The following SYNM variants were observed in gnomAD, a reference collection of about 807,000 sequenced individuals.
SYNM encodes the protein synemin.
SYNM carries 95 observed loss-of-function variants against 104.0 expected under a neutral mutation model. That is an observed-to-expected ratio of 0.91 (90% confidence interval 0.77 to 1.08). The LOEUF is 1.08. SYNM is among the 50% of genes least tolerant of loss of function. SYNM has a pLI of 0.00. For synonymous variants in SYNM, 918 were observed against 869.0 expected, an observed-to-expected ratio of 1.06 and a Z score of -0.99; for missense variants, 2,150 against 2,052.2, an observed-to-expected ratio of 1.05 and a Z score of -0.92.
At chr15:99,135,817 C>T (rs144864498), downstream of SYNM, among the ~76,000 whole-genome samples, 167 of 152,316 alleles carry the variant, frequency 1.1e-3, no homozygotes, top group African/African-American at 3.2e-3. Flanking sequence ...AGCCAATTGG[C>T]TTGTAATCAA....
Position 99,132,998 on chromosome 15 carries a change from G to C in SYNM, c.4638G>C (p.Lys1546Asn). 6.2e-7 allele frequency: 1 copy of C among 1,613,964 alleles called. No individual in the cohort carries two copies. Among genetic ancestry groups the C allele is most frequent in the Non-Finnish European group, 8.5e-7 (1 of 1,179,900 alleles). ...VDQRSVISDEKKVALLYLDNE... is the reference protein window; with the variant it reads ...VDQRSVISDENKVALLYLDNE... ...AAAGGTCGGTGATTTCAGATGAAAA[G>C]AAAGTTGCCCTCCTCTATCTAGACA... Residue 1546 changes from lysine (K) to asparagine (N), a missense_variant, in exon 4 of 4, where the codon AAG becomes AAC. By Grantham distance (94) the Lys-to-Asn change is moderately conservative. Coordinates refer to ENST00000336292, the MANE Select transcript of SYNM (RefSeq NM_145728.3).
intron 1 of SYNM, among the ~76,000 whole-genome samples, chr15:99,107,040 C>G (rs192100325): frequency 1.3e-5 from 2 of 152,294 alleles, no homozygotes; most frequent in East Asian, 1.9e-4. Context: ...GAGTAAATAC[C>G]TGTTGATTCT....
rs1555486275 is a variant in SYNM at position 99,133,039 on chromosome 15, A to G, written c.4679A>G (p.Asn1560Ser). ...LLYLDNEEEE[N>S]DGHWF ...TATCTAGACAATGAGGAGGAGGAGA[A>G]TGATGGGCATTGGTTTTAATAAGCA... Residue 1560 changes from asparagine (N) to serine (S), a missense_variant, in exon 4 of 4, where the codon AAT becomes AGT. Physicochemically the swap from Asn to Ser is conservative, Grantham distance 46. Coordinates refer to ENST00000336292, the MANE Select transcript of SYNM (RefSeq NM_145728.3). The G allele has an allele frequency of 2.5e-6, 4 of 1,613,786 alleles. No individual in the cohort carries two copies. The highest frequency in any genetic ancestry group is 2.2e-5 in the East Asian group (1 of 44,886).
In SYNM at chr15:99,131,500, C is replaced by T; in HGVS notation, c.3140C>T (p.Pro1047Leu). ...CTGAGCAGGCAACGCAGCCCAGCGC[C>T]TGGCAGCCCAGATGAGGAAGGTGGA... ...ESLSRQRSPA[P>L]GSPDEEGGAE... Residue 1047 changes from proline to leucine, a missense_variant, in exon 4 of 4, where the codon CCT becomes CTT. Coordinates refer to ENST00000336292, the MANE Select transcript of SYNM (RefSeq NM_145728.3). The surrounding 1 kb of genome is among the most constrained non-coding windows in gnomAD (Gnocchi z 4.3). 6.2e-7 allele frequency: 1 copy of T among 1,606,782 alleles called. No homozygotes were observed. Among genetic ancestry groups the T allele is most frequent in the South Asian group, 1.1e-5 (1 of 90,852 alleles).
At chr15:99,108,449 A>C (rs2067269904) in intron 1 of SYNM, among the ~76,000 whole-genome samples, 1 of 152,178 alleles carries the variant, frequency 6.6e-6, no homozygotes, top group South Asian at 2.1e-4. Flanking sequence ...TGAAAGAGGG[A>C]GTATGGATGA....
rs2067539238 is a variant in SYNM at position 99,133,995 on chromosome 15, C to G, written c.*937C>G. 1 of 152,178 alleles carries G rather than the reference C, an allele frequency of 6.6e-6. No individual in the cohort carries two copies. Among genetic ancestry groups the G allele is most frequent in the Non-Finnish European group, 1.5e-5 (1 of 68,062 alleles). 9.4% of individuals were successfully genotyped at this position (152,178 alleles called of 1,614,324 possible). A position where few individuals can be genotyped will look rare whatever the true frequency, so the allele number is the denominator to read the frequency against. ...CTCAGACTGCAGCTGGACCGGCAAG[C>G]TGGCTGTGTACAGGAAAATTGGAAG... On this transcript the variant is annotated 3_prime_UTR_variant, in exon 4 of 4. Coordinates refer to ENST00000336292, the MANE Select transcript of SYNM (RefSeq NM_145728.3).
At chr15:99,128,564 G>A (rs2067468502) in intron 3 of SYNM, among the ~76,000 whole-genome samples, 1 of 152,218 alleles carries the variant, frequency 6.6e-6, no homozygotes, top group Non-Finnish European at 1.5e-5. Context: ...AGCCAGCTGG[G>A]GTGTGGGTAG....
intron 1 of SYNM, among the ~76,000 whole-genome samples, chr15:99,109,923 G>A (rs1567274424): frequency 6.6e-6 from 1 of 152,172 alleles, no homozygotes; most frequent in Non-Finnish European, 1.5e-5. Flanking sequence ...GCCACTGGAG[G>A]TTCTGAGCCG....
chr15:99,128,529 G>T (rs2151808635), intron 3 of SYNM, among the ~76,000 whole-genome samples: 1 of 152,340 alleles, frequency 6.6e-6, no homozygotes, highest in East Asian at 1.9e-4. Flanking sequence ...CTCCATAAGG[G>T]AGAGAGAAAG....
intron 2 of SYNM, among the ~76,000 whole-genome samples, chr15:99,126,052 C>T (rs2067444202): frequency 6.6e-6 from 1 of 152,204 alleles, no homozygotes; most frequent in Admixed American, 6.5e-5. Flanking sequence ...AAGGAGATAA[C>T]AGGATGCCAA....
At position 99,132,146 on chromosome 15, in the gene SYNM, C is replaced by T. The variant is rs2151811311; in HGVS notation, c.3786C>T (p.Val1262=). The T allele has an allele frequency of 6.2e-7, 1 of 1,614,040 alleles. No homozygotes were observed. Among genetic ancestry groups the T allele is most frequent in the Non-Finnish European group, 8.5e-7 (1 of 1,179,906 alleles). Residue 1262 remains valine (V), a synonymous_variant, in exon 4 of 4, where the codon GTC becomes GTT. Coordinates refer to ENST00000336292, the MANE Select transcript of SYNM (RefSeq NM_145728.3). ...AGTCAGTGGGTACCCAGACTTCTGT[C>T]AGGCAACTCCAGTTAGGCCCTAAAG... ...TEESVGTQTS[V]RQLQLGPKEG...
intron 1 of SYNM, among the ~76,000 whole-genome samples, chr15:99,112,581 C>T (rs76299037): frequency 0.022 from 3,317 of 152,254 alleles, 111 homozygotes; most frequent in African/African-American, 0.076. Context: ...TTCAGAAGGC[C>T]GCAGTATCTC....
At position 99,131,234 on chromosome 15, in the gene SYNM, A is replaced by G; in HGVS notation, c.2874A>G (p.Glu958=). 3 of 1,609,518 alleles carry G rather than the reference A, an allele frequency of 1.9e-6. No homozygotes were observed. Among genetic ancestry groups the G allele is most frequent in the Non-Finnish European group, 2.5e-6 (3 of 1,178,212 alleles). Reference sequence around the variant, plus strand: ...TGGAGGTCATCGGGCAGCTGGAGGAAACCCTTCCCGAGCGCATGAGGGAGG... The same window carrying G: ...TGGAGGTCATCGGGCAGCTGGAGGAGACCCTTCCCGAGCGCATGAGGGAGG... ...QLVEVIGQLE[E]TLPERMREEL... is the part of the protein sequence containing the mutation. Residue 958 remains glutamate, a synonymous_variant, in exon 4 of 4, where the codon GAA becomes GAG. Coordinates refer to ENST00000336292, the MANE Select transcript of SYNM (RefSeq NM_145728.3). The surrounding 1 kb of genome is among the most constrained non-coding windows in gnomAD (Gnocchi z 4.3).
At chr15:99,125,579 C>G (rs1331933516) in intron 2 of SYNM, among the ~76,000 whole-genome samples, 1 of 152,262 alleles carries the variant, frequency 6.6e-6, no homozygotes, top group Non-Finnish European at 1.5e-5. Context: ...CTCTCGTGTT[C>G]ATGGGGCTCA....
In SYNM at chr15:99,132,062, T is replaced by G; in HGVS notation, c.3702T>G (p.Ile1234Met). The G allele has an allele frequency of 6.2e-7, 1 of 1,613,932 alleles. No individual in the cohort carries two copies. Among genetic ancestry groups the G allele is most frequent in the South Asian group, 1.1e-5 (1 of 91,076 alleles). ...GACAATTTCATGCTGAAAAGGAGATTATTTTTCAGGGCCCCATTTCTGCTG... is the reference window on the plus strand; with the variant it reads ...GACAATTTCATGCTGAAAAGGAGATGATTTTTCAGGGCCCCATTTCTGCTG... ...GCRQFHAEKE[I>M]IFQGPISAAG... The change falls in exon 4 of 4, where the codon ATT (isoleucine) becomes ATG (methionine). Residue 1234 changes from isoleucine (I) to methionine (M), a missense_variant. Physicochemically the swap from Ile to Met is conservative, Grantham distance 10 (BLOSUM62 1). Coordinates refer to ENST00000336292, the MANE Select transcript of SYNM (RefSeq NM_145728.3).
chr15:99,105,140 G>A lies in SYNM; in HGVS notation c.-60G>A, dbSNP rs1472746357. 30 of 1,524,150 alleles carry A rather than the reference G, an allele frequency of 2.0e-5. No homozygotes were observed. In the South Asian group the frequency reaches 3.3e-4, roughly 17 times the overall value. The allele number at this position is 1,524,150 out of a possible 1,614,324, so 94.4% of individuals were successfully genotyped here. A position where few individuals can be genotyped will look rare whatever the true frequency, so the allele number is the denominator to read the frequency against. The stretch of plus-strand genomic sequence containing the variant: ...GCGTCGCGGCGGAGAGGACGAGACC[G>A]GGACAAGACCAGGGCAGGAGGGAGC... On this transcript the variant is annotated 5_prime_UTR_variant, in exon 1 of 4. Transcript: ENST00000336292.
intron 2 of SYNM, among the ~76,000 whole-genome samples, chr15:99,126,329 C>T (rs2067447090): frequency 6.6e-6 from 1 of 152,214 alleles, no homozygotes; most frequent in Non-Finnish European, 1.5e-5. Flanking sequence ...GCTCTGGGGC[C>T]CTCTAGCCTG....
At chr15:99,106,147 C>T in intron 1 of SYNM, 138 bp downstream of exon 1, 1 of 956,634 alleles carries the variant, frequency 1.0e-6, no homozygotes, top group Non-Finnish European at 1.4e-6. Flanking sequence ...AGAGGGTGCC[C>T]GAATGGCATG....
Position 99,113,163 on chromosome 15 carries a change from A to T in SYNM, c.811-428A>T, listed in dbSNP as rs548399675. On this transcript the variant is annotated intron_variant, in intron 1 of 3. Transcript: ENST00000336292. ...TGGAGAAATCATGACTTTGGGGAGTACATTTCAGTTCAATTCTGAGTGACT... is the reference window on the plus strand; with the variant it reads ...TGGAGAAATCATGACTTTGGGGAGTTCATTTCAGTTCAATTCTGAGTGACT... Among the ~76,000 whole-genome samples the T allele has an allele frequency of 3.9e-5, 6 of 152,314 alleles. No individual in the cohort carries two copies. The South Asian group carries it at 1.2e-3, about 32-fold the overall frequency.
Sources: gnomAD v4.1 joint callset for allele counts (sites outside exome capture counted in the v4.1 genomes callset) on GRCh38, gnomAD v4.1.1 for gene constraint, Gnocchi (gnomAD v3.1) non-coding constraint, MANE v1.5 for transcripts, NCBI Gene and HGNC (gene_info 2026-07-23, HGNC 2026-07-21) for gene names.